PACS1: variants seen among roughly 807,000 people sequenced by gnomAD.
The protein encoded by PACS1 is phosphofurin acidic cluster sorting protein 1.
In PACS1, 24 loss-of-function variants were observed where a neutral mutation model predicts 115.0. The observed-to-expected ratio is 0.21, with a 90% CI of 0.15 to 0.29. The LOEUF (loss-of-function observed/expected upper bound fraction) is 0.29, where lower values mean the gene tolerates loss of function less well. Ranked by LOEUF, PACS1 falls within the 10% of genes least tolerant of loss-of-function variation. PACS1 has a pLI of 1.00. For synonymous variants in PACS1, 453 were observed against 504.5 expected (o/e 0.90, Z 1.37); for missense variants, 838 against 1,251.2 (o/e 0.67, Z 4.98).
chr11:66,195,469 A>G lies in PACS1; in HGVS notation c.444+1896A>G, dbSNP rs945272602. Among the ~76,000 whole-genome samples, 5 of 152,184 alleles carry G rather than the reference A, an allele frequency of 3.3e-5. No individual in the cohort carries two copies. The East Asian group carries it at 9.6e-4, about 29-fold the overall frequency. ...GTTTTCAGGAATTGCTTCCTTTGCT[A>G]AAGAATGTTGCTGTCCTGTGCCGAC... On this transcript the variant is annotated intron_variant, in intron 2 of 23. Coordinates refer to ENST00000320580, the MANE Select transcript of PACS1 (RefSeq NM_018026.4).
At chr11:66,231,782 C>G in intron 13 of PACS1, 1 of 226,482 alleles carries the variant, frequency 4.4e-6, no homozygotes, top group Non-Finnish European at 8.9e-6. Context: ...TCTCTCCCCA[C>G]TGCCCTCGTT....
intron 2 of PACS1, among the ~76,000 whole-genome samples, chr11:66,202,668 C>T (rs564501448): frequency 1.4e-4 from 20 of 142,228 alleles, no homozygotes; most frequent in African/African-American, 5.0e-4. Flanking sequence ...GTAGATGGAT[C>T]GCTTGAGGCC....
chr11:66,110,482 G>A (rs1858163046), intron 1 of PACS1, among the ~76,000 whole-genome samples: 1 of 151,952 alleles, frequency 6.6e-6, no homozygotes, highest in Non-Finnish European at 1.5e-5. Flanking sequence ...AATGCCTCTT[G>A]ATTTTAATGG....
At chr11:66,125,814 C>T (rs1858557610) in intron 1 of PACS1, among the ~76,000 whole-genome samples, 1 of 152,024 alleles carries the variant, frequency 6.6e-6, no homozygotes. Flanking sequence ...CCGAGGCAGG[C>T]AGATTACTTG....
intron 1 of PACS1, among the ~76,000 whole-genome samples, chr11:66,072,797 G>A (rs959666267): frequency 6.6e-6 from 1 of 152,128 alleles, no homozygotes; most frequent in African/African-American, 2.4e-5. Context: ...CCTGTGTTTG[G>A]TGACGTTTGG....
chr11:66,197,703 G>T lies in PACS1; in HGVS notation c.444+4130G>T, dbSNP rs369425474. On this transcript the variant is annotated intron_variant, in intron 2 of 23. Transcript: ENST00000320580. Reference sequence around the variant, plus strand: ...GCTATTTGGGAGGCTGAGGCAGGAGGATTGCCTAAGCCCAGGAGTTCAAGT... The same window carrying T: ...GCTATTTGGGAGGCTGAGGCAGGAGTATTGCCTAAGCCCAGGAGTTCAAGT... Among the ~76,000 whole-genome samples the T allele has an allele frequency of 2.6e-5, 4 of 152,180 alleles. No individual in the cohort carries two copies. In the East Asian group the frequency reaches 5.8e-4, roughly 22 times the overall value.
chr11:66,136,470 G>A (rs1284673261), intron 1 of PACS1, among the ~76,000 whole-genome samples: 1 of 151,444 alleles, frequency 6.6e-6, no homozygotes, highest in African/African-American at 2.5e-5. Flanking sequence ...AAAAAGCTAG[G>A]AGTGATGAGC....
chr11:66,118,299 G>C (rs11822080), intron 1 of PACS1, among the ~76,000 whole-genome samples: 4,227 of 152,280 alleles, frequency 0.028, 205 homozygotes, highest in African/African-American at 0.095. Context: ...GCTACCTAGT[G>C]TCTGTATAAA....
At chr11:66,160,178 A>G (rs191730074) in intron 1 of PACS1, among the ~76,000 whole-genome samples, 2 of 152,326 alleles carry the variant, frequency 1.3e-5, no homozygotes, top group East Asian at 3.9e-4. Context: ...GGAGTTTGAC[A>G]CCCAAGTTTT....
intron 2 of PACS1, among the ~76,000 whole-genome samples, chr11:66,197,795 A>G (rs1854682618): frequency 6.6e-6 from 1 of 151,530 alleles, no homozygotes; most frequent in Non-Finnish European, 1.5e-5. Flanking sequence ...TTGTCTCTAA[A>G]AATAAAAAAT....
At chr11:66,231,586 C>T (rs1418872421) in intron 13 of PACS1, among the ~76,000 whole-genome samples, 1 of 152,172 alleles carries the variant, frequency 6.6e-6, no homozygotes, top group Non-Finnish European at 1.5e-5. Flanking sequence ...GATAACTTAC[C>T]AAGTGCATTG....
rs574358167 is a variant in PACS1 at position 66,211,761 on chromosome 11, A to C, written c.660+502A>C. Among the ~76,000 whole-genome samples, 3 of 152,318 alleles carry C rather than the reference A, an allele frequency of 2.0e-5. No homozygotes were observed. In the East Asian group the frequency reaches 5.8e-4, roughly 29 times the overall value. On this transcript the variant is annotated intron_variant, in intron 4 of 23. Transcript: ENST00000320580. ...CATCAAGATCAGGACACTAACGTTG[A>C]GATAAGATTGCCGTCTAACCCACAG...
At chr11:66,128,599 G>C (rs1858631401) in intron 1 of PACS1, among the ~76,000 whole-genome samples, 1 of 152,110 alleles carries the variant, frequency 6.6e-6, no homozygotes, top group African/African-American at 2.4e-5. Flanking sequence ...ACAAGTGAGT[G>C]AGGGCTGGGC....
chr11:66,094,204 A>G (rs1489360377), intron 1 of PACS1, among the ~76,000 whole-genome samples: 1 of 150,420 alleles, frequency 6.6e-6, no homozygotes, highest in African/African-American at 2.4e-5. Flanking sequence ...ATCAGAGCAG[A>G]ACTGAAGGAA....
At position 66,243,437 on chromosome 11, in the gene PACS1, G is replaced by A. The variant is rs796973019; in HGVS notation, c.*157G>A. 3.1e-5 allele frequency: 19 copies of A among 610,802 alleles called. No individual in the cohort carries two copies. In the African/African-American group the frequency reaches 3.5e-4, roughly 11 times the overall value. The allele number at this position is 610,802 out of a possible 1,614,324, so 37.8% of individuals were successfully genotyped here. On this transcript the variant is annotated 3_prime_UTR_variant, in exon 24 of 24. Transcript: ENST00000320580. ...TCCCGAAGGACACTGCCACAGGGAC[G>A]CCTTCCCTCCCCTCCCCTCCAGCCC... is the stretch of plus-strand genomic sequence containing the variant.
In PACS1 at chr11:66,115,026, G is replaced by A. The variant is rs573924866; in HGVS notation, c.356+44184G>A. On this transcript the variant is annotated intron_variant, in intron 1 of 23. Coordinates refer to ENST00000320580, the MANE Select transcript of PACS1 (RefSeq NM_018026.4). ...CAGAGACCAGCCTGGGTAACATAGG[G>A]AGACCCCATCTCTACAAAAAAAAAA... Among the ~76,000 whole-genome samples the A allele has an allele frequency of 5.9e-5, 9 of 151,508 alleles. No homozygotes were observed. In the East Asian group the frequency reaches 1.7e-3, roughly 29 times the overall value.
intron 10 of PACS1, 76 bp downstream of exon 10, chr11:66,221,323 C>G (rs1855341440): frequency 8.2e-7 from 1 of 1,226,262 alleles, no homozygotes; most frequent in Non-Finnish European, 1.2e-6. Flanking sequence ...CTCTGCATCT[C>G]TGATCAGGGC....
chr11:66,193,499 A>T lies in PACS1; in HGVS notation c.370A>T (p.Thr124Ser), dbSNP rs1854578008. 1 of 1,612,264 alleles carries T rather than the reference A, an allele frequency of 6.2e-7. No individual in the cohort carries two copies. Among genetic ancestry groups the T allele is most frequent in the Non-Finnish European group, 8.5e-7 (1 of 1,178,528 alleles). Reference sequence around the variant, plus strand: ...CTGTTTTTCTAGGCTATTCAGCTTGACCCTGAAGAAACTCGTCATGCTAAA... The same window carrying T: ...CTGTTTTTCTAGGCTATTCAGCTTGTCCCTGAAGAAACTCGTCATGCTAAA... ...SSCVPRLFSL[T>S]LKKLVMLKEM... Residue 124 changes from threonine (T) to serine (S), a missense_variant, in exon 2 of 24, where the codon ACC (threonine) becomes TCC (serine). Physicochemically the swap from Thr to Ser is moderately conservative, Grantham distance 58. Transcript: ENST00000320580.
intron 1 of PACS1, among the ~76,000 whole-genome samples, chr11:66,187,090 C>T (rs1159371738): frequency 3.3e-5 from 5 of 152,172 alleles, no homozygotes; most frequent in African/African-American, 7.2e-5. Flanking sequence ...TTGTGTACTA[C>T]ATTTTGTTTG....
Sources: allele counts gnomAD v4.1 joint callset (sites outside exome capture counted in the v4.1 genomes callset), GRCh38; gene constraint gnomAD v4.1.1; transcripts MANE v1.5; gene names NCBI Gene and HGNC (gene_info 2026-07-23, HGNC 2026-07-21).